POGZ: variants seen among roughly 807,000 people sequenced by gnomAD.
The protein encoded by POGZ is pogo transposable element with ZNF domain.
In POGZ, 17 loss-of-function variants were observed where a neutral mutation model predicts 134.6. That is an observed-to-expected ratio of 0.13 (90% CI 0.09 to 0.19). The LOEUF (loss-of-function observed/expected upper bound fraction) is 0.19. Among genes scored for constraint, POGZ ranks in the 10% least tolerant of loss-of-function variants. The pLI is 1.00. For synonymous variants in POGZ, 693 were observed against 657.1 expected, an observed-to-expected ratio of 1.05 and a Z score of -0.84; for missense variants, 1,306 against 1,769.7, an observed-to-expected ratio of 0.74 and a Z score of 4.70.
chr1:151,416,251 G>GAAAA (rs71090163), intron 10 of POGZ, among the ~76,000 whole-genome samples: 1 of 96,510 alleles, frequency 1.0e-5, no homozygotes, highest in African/African-American at 3.8e-5. Context: ...AGAAAGAAAA[G>GAAAA]AAAAAAAAAA....
At chr1:151,410,050 A>G (rs757149501) in intron 12 of POGZ, among the ~76,000 whole-genome samples, 30 of 152,214 alleles carry the variant, frequency 2.0e-4, no homozygotes, top group Non-Finnish European at 4.0e-4. Flanking sequence ...GTTTGTGTGC[A>G]TATGTATGTG....
intron 10 of POGZ, among the ~76,000 whole-genome samples, chr1:151,421,002 T>TAC (rs1473303865): frequency 1.3e-5 from 2 of 149,678 alleles, no homozygotes; most frequent in East Asian, 3.9e-4. Context: ...TATATATATA[T>TAC]ATATACCTAT....
Position 151,442,147 on chromosome 1 carries a change from T to C in POGZ, c.58A>G (p.Lys20Glu). Residue 20 changes from lysine (K) to glutamate (E), a missense_variant, in exon 2 of 19, where the codon AAA becomes GAA. Coordinates refer to ENST00000271715, the MANE Select transcript of POGZ (RefSeq NM_015100.4). ...CEEEELEPWQKISDVIEDSVV... is the reference protein window; with the variant it reads ...CEEEELEPWQEISDVIEDSVV... ...GAGTCCTCAATGACATCACTGATTT[T>C]CTGCCATGGCTCCAACTCCTCCTCC... 2 of 1,612,550 alleles carry C rather than the reference T, an allele frequency of 1.2e-6. No homozygotes were observed. The highest frequency in any genetic ancestry group is 1.7e-6 in the Non-Finnish European group (2 of 1,178,526).
chr1:151,406,620 T>C lies in POGZ; in HGVS notation c.2557A>G (p.Ile853Val), dbSNP rs749270162. The C allele has an allele frequency of 4.3e-6, 7 of 1,610,120 alleles. No homozygotes were observed. The Admixed American group carries it at 1.2e-4, about 27-fold the overall frequency. ...AGTTTTTGTTACCTTGAGTGAGCTA[T>C]CCAAGTGAGTCCTATGGAAAATGAA... ...SSILPRGLTW[I>V]AHSRHGQTRD... Residue 853 changes from isoleucine (I) to valine (V), a missense_variant, in exon 18 of 19, where the codon ATA becomes GTA. Transcript: ENST00000271715.
At chr1:151,427,208 G>A (rs753300147) in intron 7 of POGZ, 4 of 152,390 alleles carry the variant, frequency 2.6e-5, no homozygotes, top group South Asian at 2.1e-4. Context: ...TATACCTTGC[G>A]GTTTTTATTT....
In POGZ at chr1:151,423,504, C is replaced by A; in HGVS notation, c.1571G>T (p.Gly524Val). ...GCAGATAGTGTGACCATCTACCTCACCGTTCTGCTGATCGAGTTCTACGTG... is the reference window on the plus strand; with the variant it reads ...GCAGATAGTGTGACCATCTACCTCAACGTTCTGCTGATCGAGTTCTACGTG... ...KHHVELDQQNGEVDGHTICQH... is the reference protein window; with the variant it reads ...KHHVELDQQNVEVDGHTICQH... Residue 524 changes from glycine to valine, a missense_variant, in exon 10 of 19, where the codon GGT (glycine) becomes GTT (valine). Physicochemically the swap from Gly to Val is moderately radical, Grantham distance 109. This residue lies in a region of POGZ where 541 missense variants were observed against 680.5 expected (regional missense o/e 0.80). Coordinates refer to ENST00000271715, the MANE Select transcript of POGZ (RefSeq NM_015100.4). 6.2e-7 allele frequency: 1 copy of A among 1,613,830 alleles called. No homozygotes were observed. The highest frequency in any genetic ancestry group is 8.5e-7 in the Non-Finnish European group (1 of 1,179,704).
Position 151,423,551 on chromosome 1 carries a change from T to A in POGZ, c.1524A>T (p.Arg508=). ...CGTGGTGTTTCATATGGTTCATGAA[T>A]CTGTAATAAAGCACAAAGAGAAAGT... ...HCTKRLKNNI[R]FMNHMKHHVE... Residue 508 remains arginine (R), a splice_region_variant and synonymous_variant, in exon 10 of 19, where the codon CGA becomes CGT. Transcript: ENST00000271715. 6.2e-7 allele frequency: 1 copy of A among 1,606,714 alleles called. No individual in the cohort carries two copies. The highest frequency in any genetic ancestry group is 8.5e-7 in the Non-Finnish European group (1 of 1,176,690).
chr1:151,406,720 C>T (rs1653716384), intron 17 of POGZ, 89 bp from the exon 18 acceptor site: 2 of 1,175,620 alleles, frequency 1.7e-6, no homozygotes, highest in East Asian at 2.3e-5. Flanking sequence ...TTACTACATA[C>T]AAATACGCTG....
chr1:151,457,978 G>GT (rs1466851225), intron 1 of POGZ, among the ~76,000 whole-genome samples: 4 of 152,090 alleles, frequency 2.6e-5, no homozygotes, highest in African/African-American at 9.6e-5. Flanking sequence ...TTGAGCGGCG[G>GT]TAAGAGGTGT....
intron 1 of POGZ, among the ~76,000 whole-genome samples, chr1:151,458,637 C>T (rs1363570961): frequency 6.8e-6 from 1 of 146,528 alleles, no homozygotes; most frequent in Non-Finnish European, 1.5e-5. Flanking sequence ...ACGGCCTCGC[C>T]CCCTCGCCGG....
In POGZ at chr1:151,404,669, G is replaced by T. The variant is rs375749581; in HGVS notation, c.*133C>A. ...CACAGGGAAGTGTAAGTCAACTTCA[G>T]GGGGGAGTGGTGGTATAAAATTAAA... On this transcript the variant is annotated 3_prime_UTR_variant, in exon 19 of 19. Transcript: ENST00000271715. 7.8e-4 allele frequency: 1,104 copies of T among 1,411,914 alleles called. 24 individuals carry two copies. The South Asian group carries it at 0.017, about 22-fold the overall frequency. 87.5% of individuals were successfully genotyped at this position (1,411,914 alleles called of 1,614,324 possible). A position where few individuals can be genotyped will look rare whatever the true frequency, so the allele number is the denominator to read the frequency against.
Position 151,408,547 on chromosome 1 carries a change from G to C in POGZ, c.2096C>G (p.Thr699Ser). Residue 699 changes from threonine (T) to serine (S), a missense_variant, in exon 14 of 19, where the codon ACT (threonine) becomes AGT (serine). Thr to Ser is a moderately conservative substitution (Grantham distance 58). Coordinates refer to ENST00000271715, the MANE Select transcript of POGZ (RefSeq NM_015100.4). ...TGTATCATTAGAGGATACAGGAACA[G>C]TTCGTGGCTGCCCTCGGGAAGCCCG... ...TIRASRGQPRTVPVSSNDTPP... is the reference protein window; with the variant it reads ...TIRASRGQPRSVPVSSNDTPP... 1.2e-6 allele frequency: 2 copies of C among 1,610,500 alleles called. No homozygotes were observed. Among genetic ancestry groups the C allele is most frequent in the Non-Finnish European group, 8.5e-7 (1 of 1,179,102 alleles).
At chr1:151,426,235 G>A (rs1027266531) in intron 7 of POGZ, 2 of 149,020 alleles carry the variant, frequency 1.3e-5, no homozygotes, top group African/African-American at 5.0e-5. Context: ...TGCCCAGACT[G>A]GAGTGCAGTG....
chr1:151,456,774 G>A lies in POGZ; in HGVS notation c.-2+2378C>T, dbSNP rs184100618. Reference sequence around the variant, plus strand: ...TCGAGACCAGCCTGGCCAACATGGCGAAACACTGTCTCTACTAAAAATACA... The same window carrying A: ...TCGAGACCAGCCTGGCCAACATGGCAAAACACTGTCTCTACTAAAAATACA... On this transcript the variant is annotated intron_variant, in intron 1 of 18. Coordinates refer to ENST00000271715, the MANE Select transcript of POGZ (RefSeq NM_015100.4). Among the ~76,000 whole-genome samples, 67 of 152,292 alleles carry A rather than the reference G, an allele frequency of 4.4e-4. No homozygotes were observed. The East Asian group carries it at 9.1e-3, about 21-fold the overall frequency.
At position 151,459,070 on chromosome 1, in the gene POGZ, C is replaced by T. The variant is rs981114706; in HGVS notation, c.-2+82G>A. On this transcript the variant is annotated intron_variant, in intron 1 of 18. Coordinates refer to ENST00000271715, the MANE Select transcript of POGZ (RefSeq NM_015100.4). ...CCATCCCCCTCTCATTGTCTCGCCT[C>T]TGAACGCCTCGCCGAGCGAAAAGAT... 1.0e-4 allele frequency: 15 copies of T among 149,108 alleles called. 1 individual carries two copies. In the East Asian group the frequency reaches 1.4e-3, roughly 14 times the overall value. The allele number at this position is 149,108 out of a possible 1,614,324, so 9.2% of individuals were successfully genotyped here.
intron 10 of POGZ, among the ~76,000 whole-genome samples, chr1:151,417,724 AC>A (rs1557889836): frequency 5.0e-5 from 7 of 140,442 alleles, no homozygotes; most frequent in Admixed American, 7.3e-5. Flanking sequence ...ACACACACAC[AC>A]ACACAAAAGG....
rs564598261 is a variant in POGZ, at chr1:151,407,672, GA to G, written c.2376-382del. Among the ~76,000 whole-genome samples, 13 of 152,292 alleles carry G rather than the reference GA, an allele frequency of 8.5e-5. No individual in the cohort carries two copies. In the South Asian group the frequency reaches 2.7e-3, roughly 32 times the overall value. On this transcript the variant is annotated intron_variant, in intron 15 of 18. Coordinates refer to ENST00000271715, the MANE Select transcript of POGZ (RefSeq NM_015100.4). ...CAAATAGCTCTAAGAGTTGAAGGAG[GA>G]AACATATTAGAAGCAGGGGAGAAAA... is the stretch of plus-strand genomic sequence containing the variant.
At chr1:151,439,671 C>T (rs6683010) in intron 3 of POGZ, among the ~76,000 whole-genome samples, 148,624 of 152,314 alleles carry the variant, frequency 0.98, 72,637 homozygotes, top group Middle Eastern at 1. Flanking sequence ...GGGGAATGCA[C>T]ATATAAATGG....
intron 3 of POGZ, among the ~76,000 whole-genome samples, chr1:151,436,419 T>G (rs535739026): frequency 6.6e-6 from 1 of 152,144 alleles, no homozygotes; most frequent in African/African-American, 2.4e-5. Context: ...TCATATAATA[T>G]GTGACCTTTT....
Sources: gnomAD v4.1 joint callset for allele counts (sites outside exome capture counted in the v4.1 genomes callset) on GRCh38, gnomAD v4.1.1 for gene constraint, gnomAD v4.1.1 regional missense constraint, MANE v1.5 for transcripts, NCBI Gene and HGNC (gene_info 2026-07-23, HGNC 2026-07-21) for gene names.